BCAR1: variants seen among roughly 807,000 people sequenced by gnomAD.
The protein encoded by BCAR1 is breast cancer anti-estrogen resistance protein 1.
A neutral mutation model predicts 67.6 loss-of-function variants in BCAR1; 30 were observed. The observed-to-expected ratio is 0.44, with a 90% CI of 0.33 to 0.60. BCAR1 has a LOEUF of 0.60. Among genes scored for constraint, BCAR1 ranks in the 20% least tolerant of loss-of-function variants. The pLI, the probability that BCAR1 is intolerant of heterozygous loss-of-function variation, is 0.02. For synonymous variants in BCAR1, 626 were observed against 556.7 expected (o/e 1.12, Z -1.75); for missense variants, 1,313 against 1,222.3 (o/e 1.07, Z -1.11).
intron 5 of BCAR1, among the ~76,000 whole-genome samples, chr16:75,234,575 C>T (rs1251875999): frequency 6.6e-6 from 1 of 152,210 alleles, no homozygotes; most frequent in East Asian, 1.9e-4. Flanking sequence ...AGCCACCTCC[C>T]ACCACCTCCT....
chr16:75,266,004 G>T (rs1403793175), intron 1 of BCAR1: 6 of 1,035,738 alleles, frequency 5.8e-6, no homozygotes, highest in Non-Finnish European at 6.9e-6. Flanking sequence ...GCCGCGCCGC[G>T]CATGCGCCGC....
chr16:75,237,294 C>A lies in BCAR1; in HGVS notation c.684G>T (p.Gln228His). 1 of 1,521,420 alleles carries A rather than the reference C, an allele frequency of 6.6e-7. No individual in the cohort carries two copies. Among genetic ancestry groups the A allele is most frequent in the Non-Finnish European group, 8.8e-7 (1 of 1,138,188 alleles). The allele number at this position is 1,521,420 out of a possible 1,614,324, so 94.2% of individuals were successfully genotyped here. Residue 228 changes from glutamine (Q) to histidine (H), a missense_variant, in exon 3 of 7, where the codon CAG becomes CAT. Gln to His is a conservative substitution (Grantham distance 24). Around this residue, in one of 2 missense-constraint regions of BCAR1, gnomAD observed 1,272 missense variants for 1,137.5 expected, o/e 1.12. Transcript: ENST00000162330. ...VGQGYVYEAAQPEQDEYDIPR... is the reference protein window; with the variant it reads ...VGQGYVYEAAHPEQDEYDIPR... Reference sequence around the variant, plus strand: ...GGATGTCGTACTCGTCCTGCTCCGGCTGGGCGGCCTCGTATACATAGCCCT... The same window carrying A: ...GGATGTCGTACTCGTCCTGCTCCGGATGGGCGGCCTCGTATACATAGCCCT...
chr16:75,231,009 A>G (rs2076881622), intron 6 of BCAR1, among the ~76,000 whole-genome samples: 1 of 150,134 alleles, frequency 6.7e-6, no homozygotes, highest in African/African-American at 2.5e-5. Flanking sequence ...CTGACAGAGC[A>G]CAGGCAACAA....
chr16:75,242,426 G>A, intron 2 of BCAR1, 44 bp downstream of exon 2: 1 of 1,400,266 alleles, frequency 7.1e-7, no homozygotes, highest in Non-Finnish European at 9.3e-7. Context: ...CCAGGGCCTG[G>A]GCTATACCTG....
Position 75,235,797 on chromosome 16 carries a change from C to A in BCAR1, c.1102G>T (p.Ala368Ser). Residue 368 changes from alanine to serine, a missense_variant, in exon 5 of 7, where the codon GCT becomes TCT. By Grantham distance (99) the Ala-to-Ser change is moderately conservative. Around this residue, in one of 2 missense-constraint regions of BCAR1, gnomAD observed 1,272 missense variants for 1,137.5 expected, o/e 1.12. Coordinates refer to ENST00000162330, the MANE Select transcript of BCAR1 (RefSeq NM_014567.5). ...GGGGGCACGTCGTAGAGGTCAGGAG[C>A]CGGGGGCGGCACGTCATACACGTCC... is the stretch of plus-strand genomic sequence containing the variant. Reference protein sequence around the residue: ...AEDVYDVPPPAPDLYDVPPGL... With the variant: ...AEDVYDVPPPSPDLYDVPPGL... The A allele has an allele frequency of 6.3e-7, 1 of 1,592,468 alleles. No homozygotes were observed. The highest frequency in any genetic ancestry group is 8.6e-7 in the Non-Finnish European group (1 of 1,169,104).
intron 1 of BCAR1, chr16:75,249,759 A>C (rs1158006040): frequency 6.6e-6 from 1 of 152,276 alleles, no homozygotes; most frequent in African/African-American, 2.4e-5. Flanking sequence ...CCGCAAAGGC[A>C]CAGCGTTGGA....
In BCAR1 at chr16:75,229,841, G is replaced by A. The variant is rs138850857; in HGVS notation, c.2283C>T (p.Ala761=). ...CEANLTTLTN[A]VDAFFTAVAT... The stretch of plus-strand genomic sequence containing the variant: ...CCACGGCGGTAAAGAAGGCGTCCAC[G>A]GCGTTGGTCAGTGTGGTCAGGTTGG... Residue 761 remains alanine (A), a synonymous_variant, in exon 7 of 7, where the codon GCC becomes GCT. Coordinates refer to ENST00000162330, the MANE Select transcript of BCAR1 (RefSeq NM_014567.5). The A allele has an allele frequency of 8.9e-4, 1,441 of 1,613,430 alleles. 1 individual carries two copies. Among genetic ancestry groups the A allele is most frequent in the Non-Finnish European group, 1.1e-3 (1,339 of 1,179,994 alleles).
chr16:75,234,157 GCAGA>G (rs10533725), intron 5 of BCAR1, among the ~76,000 whole-genome samples: 42,118 of 111,526 alleles, frequency 0.38, 6,765 homozygotes, highest in East Asian at 0.64. Context: ...GCAGGGGCAG[GCAGA>G]CAGACACACA....
At chr16:75,259,312 A>T (rs1437639041) in intron 1 of BCAR1, among the ~76,000 whole-genome samples, 1 of 152,232 alleles carries the variant, frequency 6.6e-6, no homozygotes, top group African/African-American at 2.4e-5. Flanking sequence ...TTTGCCAACA[A>T]TAGTGCCAGT....
chr16:75,236,148 G>A lies in BCAR1; in HGVS notation c.913-162C>T, dbSNP rs114553175. ...GGCACACATACAAATGCAGAGGCAC[G>A]CACACAGGCACACACACGCGCACAC... On this transcript the variant is annotated intron_variant, in intron 4 of 6. Coordinates refer to ENST00000162330, the MANE Select transcript of BCAR1 (RefSeq NM_014567.5). The A allele has an allele frequency of 2.9e-3, 2,328 of 792,292 alleles. 27 individuals are homozygous for A. The African/African-American group carries it at 0.035, about 12-fold the overall frequency. 49.1% of individuals were successfully genotyped at this position (792,292 alleles called of 1,614,324 possible). A position where few individuals can be genotyped will look rare whatever the true frequency, so the allele number is the denominator to read the frequency against.
chr16:75,255,329 AG>A (rs987967657), upstream of BCAR1, among the ~76,000 whole-genome samples: 1 of 152,130 alleles, frequency 6.6e-6, no homozygotes, highest in African/African-American at 2.4e-5. Context: ...CTGAGGCCGG[AG>A]GTGAGCACTG....
chr16:75,236,888 G>A lies in BCAR1; in HGVS notation c.906C>T (p.His302=), dbSNP rs757717442. Residue 302 remains histidine (H), a synonymous_variant, in exon 4 of 7, where the codon CAC becomes CAT. Transcript: ENST00000162330. The part of the protein sequence containing the change: ...SVEKGLPPSN[H]HAVYDVPPSV... ...TGCCCTGGCATTTGCTCACTGCGTG[G>A]TGGTTGGACGGTGGCAGGCCCTTCT... 12 of 1,612,822 alleles carry A rather than the reference G, an allele frequency of 7.4e-6. No individual in the cohort carries two copies. The South Asian group carries it at 9.9e-5, about 13-fold the overall frequency.
At chr16:75,251,031 C>T (rs2077664848) in intron 1 of BCAR1, 2 of 967,364 alleles carry the variant, frequency 2.1e-6, no homozygotes, top group African/African-American at 1.8e-5. Context: ...CCCGGAGCTC[C>T]TCCCTCTCCG....
upstream of BCAR1, among the ~76,000 whole-genome samples, chr16:75,255,842 T>G (rs922733807): frequency 3.3e-5 from 5 of 151,998 alleles, no homozygotes; most frequent in Non-Finnish European, 7.4e-5. Flanking sequence ...AAATACAAAA[T>G]TAGCCGGGCG....
rs533842647 is a variant in BCAR1 at position 75,240,322 on chromosome 16, C to G, written c.633+2148G>C. ...CAGGCCTGAGGCTTGGAGGGGAGCA[C>G]CTGGAGGTTCAGACACAGATGTCCC... is the stretch of plus-strand genomic sequence containing the variant. On this transcript the variant is annotated intron_variant, in intron 2 of 6. Coordinates refer to ENST00000162330, the MANE Select transcript of BCAR1 (RefSeq NM_014567.5). Among the ~76,000 whole-genome samples, 8 of 152,296 alleles carry G rather than the reference C, an allele frequency of 5.3e-5. No homozygotes were observed. The South Asian group carries it at 1.2e-3, about 24-fold the overall frequency.
chr16:75,233,178 C>T (rs1016593544), intron 6 of BCAR1, among the ~76,000 whole-genome samples: 1 of 152,084 alleles, frequency 6.6e-6, no homozygotes, highest in Non-Finnish European at 1.5e-5. Flanking sequence ...TTGAGACCAG[C>T]CTGGGCAATG....
At chr16:75,254,628 G>C (rs1465611943), upstream of BCAR1, among the ~76,000 whole-genome samples, 1 of 152,224 alleles carries the variant, frequency 6.6e-6, no homozygotes, top group Non-Finnish European at 1.5e-5. Flanking sequence ...GAGACGCCCT[G>C]AATAAGGAGG....
intron 1 of BCAR1, among the ~76,000 whole-genome samples, chr16:75,244,919 G>C (rs1202484195): frequency 6.6e-6 from 1 of 152,258 alleles, no homozygotes; most frequent in African/African-American, 2.4e-5. Flanking sequence ...GAAGACACCA[G>C]AGATGTCTGA....
chr16:75,239,496 C>G (rs1260886942), intron 2 of BCAR1, among the ~76,000 whole-genome samples: 1 of 152,214 alleles, frequency 6.6e-6, no homozygotes, highest in Non-Finnish European at 1.5e-5. Flanking sequence ...GGTAAGGGCC[C>G]CAGAGGCAGG....
Sources: allele counts gnomAD v4.1 joint callset (sites outside exome capture counted in the v4.1 genomes callset), GRCh38; gene constraint gnomAD v4.1.1; regional missense constraint gnomAD v4.1.1; transcripts MANE v1.5; gene names NCBI Gene and HGNC (gene_info 2026-07-23, HGNC 2026-07-21).